CHRNA7: variants seen among roughly 807,000 people sequenced by gnomAD.
CHRNA7 encodes neuronal acetylcholine receptor subunit alpha-7.
In CHRNA7, 17 loss-of-function variants were observed where a neutral mutation model predicts 48.0. The observed-to-expected ratio is 0.35, with a 90% confidence interval of 0.24 to 0.53. CHRNA7 has a LOEUF of 0.53. CHRNA7 is among the 20% of genes least tolerant of loss of function. The pLI is 0.92. For missense variants in CHRNA7, 155 were observed against 577.7 expected, an observed-to-expected ratio of 0.27 and a Z score of 7.50; for synonymous variants, 75 against 242.3, an observed-to-expected ratio of 0.31 and a Z score of 6.41.
At chr15:32,107,859 A>C (rs1437291642) in intron 3 of CHRNA7, among the ~76,000 whole-genome samples, 1 of 152,070 alleles carries the variant, frequency 6.6e-6, no homozygotes, top group Non-Finnish European at 1.5e-5. Context: ...AAAGCTATCT[A>C]GGTGCCCAAC....
At chr15:32,158,287 CCCT>C (rs2051789014) in intron 6 of CHRNA7, 122 bp from the exon 7 acceptor site, 3 of 780,092 alleles carry the variant, frequency 3.8e-6, no homozygotes, top group South Asian at 2.3e-5. Context: ...TACAACCCCC[CCCT>C]TTTTTTTTTT....
intron 3 of CHRNA7, chr15:32,101,560 C>G: frequency 1.8e-6 from 1 of 558,494 alleles, no homozygotes; most frequent in Non-Finnish European, 3.1e-6. Flanking sequence ...AACACATGCA[C>G]AAGATCAACA....
chr15:32,113,217 A>G (rs1023073018), intron 4 of CHRNA7, among the ~76,000 whole-genome samples: 11 of 152,184 alleles, frequency 7.2e-5, no homozygotes, highest in Non-Finnish European at 1.3e-4. Context: ...CTTGGCTGGT[A>G]GATGGCTGCC....
intron 2 of CHRNA7, among the ~76,000 whole-genome samples, chr15:32,058,449 C>A (rs1359049389): frequency 6.6e-6 from 1 of 152,186 alleles, no homozygotes; most frequent in African/African-American, 2.4e-5. Flanking sequence ...CAGCGGGAAG[C>A]AGCTGGTCAT....
intron 4 of CHRNA7, among the ~76,000 whole-genome samples, chr15:32,153,145 G>T (rs905941430): frequency 5.9e-5 from 9 of 152,190 alleles, no homozygotes; most frequent in African/African-American, 2.2e-4. Flanking sequence ...TGTGGGCCGG[G>T]CACGGTGGCT....
chr15:32,151,745 A>T (rs2051634429), intron 4 of CHRNA7, among the ~76,000 whole-genome samples: 1 of 152,070 alleles, frequency 6.6e-6, no homozygotes, highest in Admixed American at 6.5e-5. Context: ...TTGTGAGGAC[A>T]TTACTTTTTT....
chr15:32,057,639 A>G (rs1280030101), intron 2 of CHRNA7, among the ~76,000 whole-genome samples: 1 of 152,242 alleles, frequency 6.6e-6, no homozygotes, highest in Non-Finnish European at 1.5e-5. Context: ...TTAAAAATAA[A>G]AAGTGCTACT....
chr15:32,089,046 T>C (rs2050342858), intron 2 of CHRNA7, among the ~76,000 whole-genome samples: 1 of 152,186 alleles, frequency 6.6e-6, no homozygotes, highest in Non-Finnish European at 1.5e-5. Context: ...GTATTAGAAT[T>C]TTATATTTTA....
chr15:32,152,739 G>T (rs2051657212), intron 4 of CHRNA7, among the ~76,000 whole-genome samples: 1 of 152,180 alleles, frequency 6.6e-6, no homozygotes, highest in African/African-American at 2.4e-5. Context: ...TGTTTGGGTG[G>T]GGGTATGGGT....
At chr15:32,046,170 TTGGGTA>T (rs1258337033) in intron 2 of CHRNA7, among the ~76,000 whole-genome samples, 1 of 152,056 alleles carries the variant, frequency 6.6e-6, no homozygotes, top group African/African-American at 2.4e-5. Context: ...TTATAGTCCT[TTGGGTA>T]TATACCCAGT....
chr15:32,083,787 A>G (rs1349307104), intron 2 of CHRNA7, among the ~76,000 whole-genome samples: 1 of 152,218 alleles, frequency 6.6e-6, no homozygotes, highest in African/African-American at 2.4e-5. Context: ...AAACTATTTA[A>G]TCACTTAAAT....
intron 9 of CHRNA7, chr15:32,167,438 G>A (rs1217935558): frequency 2.9e-5 from 3 of 103,298 alleles, no homozygotes; most frequent in Admixed American, 8.2e-5. Context: ...AGCCTGAAGT[G>A]CTTCAAGCTT....
chr15:32,120,006 TTCA>T (rs2050939710), intron 4 of CHRNA7, among the ~76,000 whole-genome samples: 1 of 152,232 alleles, frequency 6.6e-6, no homozygotes, highest in Non-Finnish European at 1.5e-5. Flanking sequence ...GCTCCTGGTC[TTCA>T]GCACCCTGGA....
intron 2 of CHRNA7, among the ~76,000 whole-genome samples, chr15:32,060,357 C>T (rs1003343515): frequency 4.6e-5 from 7 of 152,190 alleles, no homozygotes; most frequent in South Asian, 2.1e-4. Flanking sequence ...TGTGTGCACG[C>T]GCACACACGC....
Position 32,031,037 on chromosome 15 carries a change from G to T in CHRNA7, c.195G>T (p.Val65=). The stretch of plus-strand genomic sequence containing the variant: ...TGAGCCTCCTGCAGATCATGGACGT[G>T]GTGAGTCCCGCCTGGCTACAGGGCT... ...FSLSLLQIMD[V]DEKNQVLTTN... is the part of the protein sequence containing the mutation. The change falls in exon 2 of 10, where the codon GTG becomes GTT. Residue 65 remains valine (V), a splice_region_variant and synonymous_variant. Coordinates refer to ENST00000306901, the MANE Select transcript of CHRNA7 (RefSeq NM_000746.6). 6.2e-7 allele frequency: 1 copy of T among 1,614,146 alleles called. No homozygotes were observed. The highest frequency in any genetic ancestry group is 8.5e-7 in the Non-Finnish European group (1 of 1,180,000).
chr15:32,142,365 A>G (rs533719254), intron 4 of CHRNA7, among the ~76,000 whole-genome samples: 1 of 152,270 alleles, frequency 6.6e-6, no homozygotes, highest in South Asian at 2.1e-4. Flanking sequence ...CCTCAGGGAT[A>G]TTGGTCTAAA....
chr15:32,034,662 GC>G (rs1172819343), intron 2 of CHRNA7, among the ~76,000 whole-genome samples: 1 of 152,134 alleles, frequency 6.6e-6, no homozygotes, highest in Non-Finnish European at 1.5e-5. Context: ...GCCTGCCATA[GC>G]ATATTTTCCT....
chr15:32,035,918 G>A (rs1004200851), intron 2 of CHRNA7, among the ~76,000 whole-genome samples: 2 of 152,074 alleles, frequency 1.3e-5, no homozygotes, highest in African/African-American at 4.8e-5. Flanking sequence ...AACTTACATT[G>A]ACACATCATC....
At position 32,106,609 on chromosome 15, in the gene CHRNA7, G is replaced by C. The variant is rs1269978126; in HGVS notation, c.241-5181G>C. On this transcript the variant is annotated intron_variant, in intron 3 of 9. Transcript: ENST00000306901. ...TAGTTTTTATCATTTTGAGAGGGTT[G>C]TCAGACATAATCTGATTTAATCTAT... Among the ~76,000 whole-genome samples, 3 of 152,142 alleles carry C rather than the reference G, an allele frequency of 2.0e-5. No homozygotes were observed. The East Asian group carries it at 5.8e-4, about 29-fold the overall frequency.
Sources: gnomAD v4.1 joint callset for allele counts (sites outside exome capture counted in the v4.1 genomes callset) on GRCh38, gnomAD v4.1.1 for gene constraint, MANE v1.5 for transcripts, NCBI Gene and HGNC (gene_info 2026-07-23, HGNC 2026-07-21) for gene names.